XRRA1: variants seen among roughly 807,000 people sequenced by gnomAD.
The protein encoded by XRRA1 is X-ray radiation resistance-associated protein 1.
A neutral mutation model predicts 80.2 loss-of-function variants in XRRA1; 69 were observed. The observed-to-expected ratio is 0.86, with a 90% CI of 0.71 to 1.05. XRRA1 has a LOEUF of 1.05. Among genes scored for constraint, XRRA1 ranks in the 50% least tolerant of loss-of-function variants. The pLI is 0.00. For synonymous variants in XRRA1, 348 were observed against 389.9 expected (o/e 0.89, Z 1.27); for missense variants, 967 against 976.4 (o/e 0.99, Z 0.13).
At chr11:74,935,743 C>G (rs1944813979) in intron 4 of XRRA1, among the ~76,000 whole-genome samples, 1 of 152,176 alleles carries the variant, frequency 6.6e-6, no homozygotes, top group Admixed American at 6.5e-5. Flanking sequence ...ATGAAACATT[C>G]AAGTGGAACT....
In XRRA1 at chr11:74,948,989, G is replaced by T. The variant is rs909995388; in HGVS notation, c.-134C>A. ...CGGAGGCGACGTCCCAGTCAGGAGG[G>T]ATGCGCGCCTGCGAGCCCCCCGGGG... On this transcript the variant is annotated 5_prime_UTR_variant, in exon 1 of 19. Transcript: ENST00000684022. 2.6e-5 allele frequency: 8 copies of T among 301,918 alleles called. No individual in the cohort carries two copies. Among genetic ancestry groups the T allele is most frequent in the Non-Finnish European group, 4.4e-5 (7 of 157,676 alleles). 18.7% of individuals were successfully genotyped at this position (301,918 alleles called of 1,614,324 possible).
intron 8 of XRRA1, among the ~76,000 whole-genome samples, chr11:74,911,713 G>A (rs940620002): frequency 5.3e-5 from 8 of 152,056 alleles, no homozygotes; most frequent in Admixed American, 5.2e-4. Context: ...CCGTGGTGGT[G>A]GATCCATCAT....
chr11:74,851,849 C>T, intron 13 of XRRA1, 140 bp downstream of exon 13: 1 of 692,868 alleles, frequency 1.4e-6, no homozygotes, highest in Non-Finnish European at 2.5e-6. Flanking sequence ...CTATTTCCTC[C>T]ATTCCTCAAT....
In XRRA1 at chr11:74,903,168, T is replaced by C. The variant is rs905965437; in HGVS notation, c.1003+3071A>G. 2.6e-5 allele frequency among the ~76,000 whole-genome samples: 4 copies of C among 152,150 alleles called. No individual in the cohort carries two copies. The East Asian group carries it at 5.8e-4, about 22-fold the overall frequency. ...CTGAAGCAACTATTTTGAAGAACAA[T>C]CAGGTGGCAATTTTTAAAACTACAT... On this transcript the variant is annotated intron_variant, in intron 10 of 18. Coordinates refer to ENST00000684022, the MANE Select transcript of XRRA1 (RefSeq NM_001378157.1).
intron 1 of XRRA1, among the ~76,000 whole-genome samples, chr11:74,948,480 AC>A (rs1374053273): frequency 6.6e-6 from 1 of 152,282 alleles, no homozygotes; most frequent in African/African-American, 2.4e-5. Context: ...TGCTCAATAT[AC>A]ATTTGTGAAA....
chr11:74,861,542 G>A (rs1430106100), intron 11 of XRRA1, among the ~76,000 whole-genome samples: 6 of 151,660 alleles, frequency 4.0e-5, no homozygotes, highest in Admixed American at 3.9e-4. Flanking sequence ...ACAAGCTCAA[G>A]GCTCCCACTG....
intron 10 of XRRA1, among the ~76,000 whole-genome samples, chr11:74,895,019 T>G (rs1051450108): frequency 6.6e-6 from 1 of 152,182 alleles, no homozygotes; most frequent in Non-Finnish European, 1.5e-5. Context: ...AATAGAAGCC[T>G]ACACCATTTG....
chr11:74,855,738 G>A (rs1481091045), intron 12 of XRRA1, among the ~76,000 whole-genome samples: 1 of 152,186 alleles, frequency 6.6e-6, no homozygotes, highest in Admixed American at 6.5e-5. Flanking sequence ...GAATATTCTA[G>A]ATGTATAAGT....
intron 9 of XRRA1, 93 bp from the exon 10 acceptor site, chr11:74,906,549 G>A: frequency 7.2e-7 from 1 of 1,383,642 alleles, no homozygotes. Context: ...ATGGAATCAG[G>A]CTTGGATACT....
chr11:74,931,393 TG>T (rs1286141359), intron 5 of XRRA1, among the ~76,000 whole-genome samples: 1 of 151,904 alleles, frequency 6.6e-6, no homozygotes, highest in Non-Finnish European at 1.5e-5. Context: ...GGCACAATCT[TG>T]GCTCACCGCA....
At chr11:74,866,705 G>A (rs978847463) in intron 10 of XRRA1, among the ~76,000 whole-genome samples, 3 of 147,864 alleles carry the variant, frequency 2.0e-5, no homozygotes, top group African/African-American at 7.5e-5. Context: ...TATAATGAAT[G>A]AAATGAAAAA....
chr11:74,906,980 G>T (rs2054740644), intron 9 of XRRA1, 165 bp downstream of exon 9: 8 of 881,140 alleles, frequency 9.1e-6, no homozygotes, highest in Non-Finnish European at 1.4e-5. Context: ...TTATGGAGGA[G>T]CCAAAGCTCA....
intron 15 of XRRA1, chr11:74,845,785 G>A (rs117854889): frequency 1.4e-3 from 223 of 154,528 alleles, no homozygotes; most frequent in Non-Finnish European, 2.8e-3. Flanking sequence ...CTGAGGGTGC[G>A]TTTTATTTTG....
intron 10 of XRRA1, among the ~76,000 whole-genome samples, chr11:74,877,457 T>C (rs926850023): frequency 6.6e-6 from 1 of 152,084 alleles, no homozygotes; most frequent in Non-Finnish European, 1.5e-5. Context: ...GGGATTCTTT[T>C]TTTTTATTTT....
intron 10 of XRRA1, among the ~76,000 whole-genome samples, chr11:74,899,440 G>C (rs2053116424): frequency 6.6e-6 from 1 of 151,820 alleles, no homozygotes; most frequent in African/African-American, 2.4e-5. Flanking sequence ...TTGAAATGAG[G>C]CAAACACTAC....
In XRRA1 at chr11:74,843,798, T is replaced by C. The variant is rs775652566; in HGVS notation, c.2149+56A>G. On this transcript the variant is annotated intron_variant, in intron 18 of 18. Transcript: ENST00000684022. ...ACTGACACAAGCCCTTTCTTTGCCT[T>C]TAGCCAGCAGGCGTGAACTGGATCT... 8 of 1,486,982 alleles carry C rather than the reference T, an allele frequency of 5.4e-6. No individual in the cohort carries two copies. The South Asian group carries it at 9.6e-5, about 18-fold the overall frequency. The allele number at this position is 1,486,982 out of a possible 1,614,324, so 92.1% of individuals were successfully genotyped here.
At chr11:74,910,289 G>A (rs573583887) in intron 8 of XRRA1, among the ~76,000 whole-genome samples, 6 of 152,292 alleles carry the variant, frequency 3.9e-5, no homozygotes, top group South Asian at 2.1e-4. Flanking sequence ...TTCAGGTGGC[G>A]TTATTTGGAA....
At chr11:74,928,601 C>T (rs1004193539) in intron 6 of XRRA1, among the ~76,000 whole-genome samples, 1 of 152,136 alleles carries the variant, frequency 6.6e-6, no homozygotes, top group African/African-American at 2.4e-5. Context: ...TGAAGAGAAA[C>T]TCCTGATGCT....
At position 74,906,349 on chromosome 11, in the gene XRRA1, G is replaced by C. The variant is rs763103269; in HGVS notation, c.893C>G (p.Pro298Arg). The change falls in exon 10 of 19, where the codon CCC (proline) becomes CGC (arginine). Residue 298 changes from proline (P) to arginine (R), a missense_variant. Transcript: ENST00000684022. ...SVDWNGGRGS[P>R]HKEPQFMLQS... ...CAGCATGAATTGGGGCTCTTTATGGGGACTTCCCCTGCCTCCATTCCAGTC... is the reference window on the plus strand; with the variant it reads ...CAGCATGAATTGGGGCTCTTTATGGCGACTTCCCCTGCCTCCATTCCAGTC... 3.5e-5 allele frequency: 56 copies of C among 1,613,816 alleles called. No homozygotes were observed. The highest frequency in any genetic ancestry group is 4.5e-5 in the Non-Finnish European group (53 of 1,179,898).
Sources: gnomAD v4.1 joint callset for allele counts (sites outside exome capture counted in the v4.1 genomes callset) on GRCh38, gnomAD v4.1.1 for gene constraint, MANE v1.5 for transcripts, NCBI Gene and HGNC (gene_info 2026-07-23, HGNC 2026-07-21) for gene names.